MERTK: variants seen among roughly 807,000 people sequenced by gnomAD.
The protein encoded by MERTK is MER proto-oncogene, tyrosine kinase.
MERTK carries 69 observed loss-of-function variants against 99.3 expected under a neutral mutation model. The ratio of observed to expected loss-of-function variants is 0.70; its 90% confidence interval spans 0.57 to 0.85. MERTK has a LOEUF of 0.85. Ranked by LOEUF, MERTK falls within the 40% of genes least tolerant of loss-of-function variation. The pLI is 0.00. For synonymous variants in MERTK, 426 were observed against 467.6 expected (o/e 0.91, Z 1.15); for missense variants, 1,125 against 1,249.4 (o/e 0.90, Z 1.50).
chr2:111,901,644 C>G (rs1684046168), intron 1 of MERTK, among the ~76,000 whole-genome samples: 1 of 151,172 alleles, frequency 6.6e-6, no homozygotes, highest in African/African-American at 2.4e-5. Context: ...CAACCTCAAC[C>G]TTCCGGGCTC....
intron 16 of MERTK, among the ~76,000 whole-genome samples, chr2:112,019,833 G>C (rs1364742863): frequency 6.6e-6 from 1 of 152,194 alleles, no homozygotes; most frequent in Non-Finnish European, 1.5e-5. Flanking sequence ...TTTGGACCTA[G>C]AGTTATGTGT....
rs760921677 is a variant in MERTK at position 112,029,032 on chromosome 2, T to C, written c.*168T>C. On this transcript the variant is annotated 3_prime_UTR_variant, in exon 19 of 19. Coordinates refer to ENST00000295408, the MANE Select transcript of MERTK (RefSeq NM_006343.3). ...AAGCTGTCATTAAAAATACATAATA[T>C]ATATTTATTTAAAGAGAAAAAATAT... 41 of 1,401,118 alleles carry C rather than the reference T, an allele frequency of 2.9e-5. No homozygotes were observed. The highest frequency in any genetic ancestry group is 3.5e-5 in the Non-Finnish European group (38 of 1,073,180). 86.8% of individuals were successfully genotyped at this position (1,401,118 alleles called of 1,614,324 possible). A position where few individuals can be genotyped will look rare whatever the true frequency, so the allele number is the denominator to read the frequency against.
chr2:111,978,873 G>T (rs1676310813), intron 7 of MERTK, among the ~76,000 whole-genome samples: 1 of 152,136 alleles, frequency 6.6e-6, no homozygotes, highest in Non-Finnish European at 1.5e-5. Flanking sequence ...ATCCTGTAGG[G>T]TCTTGCTTTT....
At chr2:112,012,743 G>A (rs1202987455) in intron 15 of MERTK, among the ~76,000 whole-genome samples, 1 of 152,124 alleles carries the variant, frequency 6.6e-6, no homozygotes, top group Non-Finnish European at 1.5e-5. Context: ...ATAACCACAA[G>A]TCACAGGTGA....
intron 4 of MERTK, among the ~76,000 whole-genome samples, chr2:111,964,488 T>G (rs1212272051): frequency 6.6e-6 from 1 of 152,210 alleles, no homozygotes; most frequent in Non-Finnish European, 1.5e-5. Context: ...CCTGCTCCAA[T>G]CTGAGAATCA....
chr2:111,904,890 T>A (rs1157700859), intron 1 of MERTK, among the ~76,000 whole-genome samples: 1 of 152,198 alleles, frequency 6.6e-6, no homozygotes, highest in Non-Finnish European at 1.5e-5. Flanking sequence ...GAGCCAACCC[T>A]CAGGTGCCCG....
At chr2:111,978,853 A>G (rs1296022191) in intron 7 of MERTK, among the ~76,000 whole-genome samples, 1 of 152,178 alleles carries the variant, frequency 6.6e-6, no homozygotes, top group South Asian at 2.1e-4. Context: ...AGCTAGTGGG[A>G]AACCGTTTAA....
chr2:111,932,427 C>T (rs1306246321), intron 2 of MERTK, among the ~76,000 whole-genome samples: 3 of 152,134 alleles, frequency 2.0e-5, no homozygotes, highest in Admixed American at 2.0e-4. Flanking sequence ...GTGATCCACC[C>T]GCCTCAGCCT....
At chr2:111,986,855 C>G (rs1444940717) in intron 8 of MERTK, among the ~76,000 whole-genome samples, 1 of 152,154 alleles carries the variant, frequency 6.6e-6, no homozygotes, top group Non-Finnish European at 1.5e-5. Context: ...GCTCACTTTA[C>G]TTTGGAAAAC....
At chr2:111,953,811 GT>G (rs1300812378) in intron 4 of MERTK, among the ~76,000 whole-genome samples, 2 of 152,192 alleles carry the variant, frequency 1.3e-5, no homozygotes, top group African/African-American at 4.8e-5. Flanking sequence ...CTGATCTCAG[GT>G]GATCCACCCA....
In MERTK at chr2:112,028,592, G is replaced by T. The variant is rs755422343; in HGVS notation, c.2728G>T (p.Ala910Ser). The change falls in exon 19 of 19, where the codon GCT (alanine) becomes TCT (serine). Residue 910 changes from alanine (A) to serine (S), a missense_variant. By Grantham distance (99) the Ala-to-Ser change is moderately conservative. Transcript: ENST00000295408. ...DSIIASCTPRAAISVVTAEVH... is the reference protein window; with the variant it reads ...DSIIASCTPRSAISVVTAEVH... The stretch of plus-strand genomic sequence containing the variant: ...TATAATTGCCTCCTGCACTCCCCGC[G>T]CTGCCATCAGTGTGGTCACAGCAGA... The T allele has an allele frequency of 6.2e-7, 1 of 1,614,022 alleles. No homozygotes were observed. The highest frequency in any genetic ancestry group is 8.5e-7 in the Non-Finnish European group (1 of 1,180,038).
At chr2:111,969,194 A>G (rs917906949) in intron 6 of MERTK, among the ~76,000 whole-genome samples, 1 of 152,186 alleles carries the variant, frequency 6.6e-6, no homozygotes, top group African/African-American at 2.4e-5. Context: ...AAGGGACCAC[A>G]GGGGCTTTGC....
At chr2:111,991,371 G>T (rs942606902) in intron 8 of MERTK, among the ~76,000 whole-genome samples, 4 of 152,004 alleles carry the variant, frequency 2.6e-5, no homozygotes, top group African/African-American at 9.7e-5. Context: ...GATTACAGGT[G>T]CATGCCACTA....
intron 2 of MERTK, among the ~76,000 whole-genome samples, 172 bp from the exon 3 acceptor site, chr2:111,944,788 A>G (rs1292128768): frequency 2.0e-5 from 3 of 152,260 alleles, no homozygotes; most frequent in Non-Finnish European, 2.9e-5. Flanking sequence ...GTACCTTCAC[A>G]GCAACATCTA....
intron 1 of MERTK, among the ~76,000 whole-genome samples, chr2:111,904,294 A>C (rs1453076177): frequency 3.9e-5 from 6 of 151,934 alleles, no homozygotes; most frequent in Admixed American, 3.3e-4. Context: ...CTCTTTTCCA[A>C]ACTGGGTGTG....
chr2:111,984,145 G>A (rs970999224), intron 8 of MERTK, among the ~76,000 whole-genome samples: 1 of 89,682 alleles, frequency 1.1e-5, no homozygotes, highest in African/African-American at 4.4e-5. Context: ...TCCAAGGATA[G>A]GAGAGTACTG....
At chr2:112,023,282 C>T (rs1442020137) in intron 18 of MERTK, among the ~76,000 whole-genome samples, 7 of 152,076 alleles carry the variant, frequency 4.6e-5, no homozygotes, top group Admixed American at 3.3e-4. Context: ...GGTGTGGTGG[C>T]GGGCGCCTGT....
At chr2:112,024,562 C>A (rs909680180) in intron 18 of MERTK, among the ~76,000 whole-genome samples, 1 of 152,208 alleles carries the variant, frequency 6.6e-6, no homozygotes, top group South Asian at 2.1e-4. Flanking sequence ...CATCTCCTCT[C>A]GAATCTAGAT....
intron 11 of MERTK, among the ~76,000 whole-genome samples, chr2:112,001,519 G>A (rs1210459060): frequency 5.9e-5 from 9 of 152,172 alleles, no homozygotes; most frequent in Admixed American, 5.2e-4. Flanking sequence ...GACTCACAAT[G>A]TCATGAAATG....
Sources: allele counts gnomAD v4.1 joint callset (sites outside exome capture counted in the v4.1 genomes callset), GRCh38; gene constraint gnomAD v4.1.1; transcripts MANE v1.5; gene names NCBI Gene and HGNC (gene_info 2026-07-23, HGNC 2026-07-21).